RPL18: variants seen among roughly 807,000 people sequenced by gnomAD.
The protein encoded by RPL18 is large ribosomal subunit protein eL18.
A neutral mutation model predicts 25.0 loss-of-function variants in RPL18; 4 were observed. The ratio of observed to expected loss-of-function variants is 0.16; its 90% confidence interval spans 0.08 to 0.37. RPL18 has a LOEUF of 0.37. Among genes scored for constraint, RPL18 ranks in the 10% least tolerant of loss-of-function variants. The pLI, the probability that RPL18 is intolerant of heterozygous loss-of-function variation, is 1.00. For synonymous variants in RPL18, 129 were observed against 101.6 expected, an observed-to-expected ratio of 1.27 and a Z score of -1.62; for missense variants, 179 against 267.9, an observed-to-expected ratio of 0.67 and a Z score of 2.32.
chr19:48,617,600 C>G (rs1568425404), intron 2 of RPL18, 177 bp from the exon 3 acceptor site: 3 of 682,588 alleles, frequency 4.4e-6, no homozygotes, highest in Non-Finnish European at 7.6e-6. Flanking sequence ...CCTAGAAAAT[C>G]CTGGCTCCAC....
At chr19:48,617,634 G>A (rs1161340816) in intron 2 of RPL18, 157 bp downstream of exon 2, 5 of 695,388 alleles carry the variant, frequency 7.2e-6, no homozygotes, top group Admixed American at 2.8e-5. Flanking sequence ...ACAGCCTAGA[G>A]GCTGAAAATA....
At chr19:48,616,326 G>A (rs919028585) in intron 4 of RPL18, 124 bp from the exon 5 acceptor site, 131 of 1,213,288 alleles carry the variant, frequency 1.1e-4, no homozygotes, top group Admixed American at 3.0e-4. Context: ...TTTACTACCC[G>A]GAGCACCCTG....
At chr19:48,616,391 T>A in intron 4 of RPL18, 189 bp from the exon 5 acceptor site, 1 of 692,576 alleles carries the variant, frequency 1.4e-6, no homozygotes, top group East Asian at 2.7e-5. Flanking sequence ...ACATCCCTGG[T>A]GTTATGCTAG....
At chr19:48,617,464 C>A in intron 2 of RPL18, 41 bp from the exon 3 acceptor site, 1 of 1,448,608 alleles carries the variant, frequency 6.9e-7, no homozygotes, top group Non-Finnish European at 9.7e-7. Context: ...GGACAGCCTG[C>A]TCCCCCGCAG....
chr19:48,615,366 C>T lies in RPL18; in HGVS notation c.*6G>A, dbSNP rs769684666. 2.4e-5 allele frequency: 39 copies of T among 1,607,188 alleles called. No homozygotes were observed. The highest frequency in any genetic ancestry group is 3.2e-5 in the Non-Finnish European group (38 of 1,175,974). On this transcript the variant is annotated 3_prime_UTR_variant, in exon 7 of 7. Coordinates refer to ENST00000549920, the MANE Select transcript of RPL18 (RefSeq NM_000979.4). ...AATCTTTTTAATAAGAGAGTAGGAT[C>T]CAGGGTTAGTTTTTGTAGCCTCGGC...
At chr19:48,615,815 G>A in intron 6 of RPL18, 62 bp downstream of exon 6, 1 of 1,454,812 alleles carries the variant, frequency 6.9e-7, no homozygotes, top group Admixed American at 1.9e-5. Flanking sequence ...CCCAAGTGTG[G>A]CCAGGCCTGG....
rs746686079 is a variant in RPL18, at chr19:48,616,839, G to A, written c.199-15C>T. The stretch of plus-strand genomic sequence containing the variant: ...ATCTTCCGGATCTTAGGGTGGGGAG[G>A]ATGTACGTCGTAAGTTGTTCTGGTG... On this transcript the variant is annotated splice_polypyrimidine_tract_variant and intron_variant, in intron 3 of 6. Coordinates refer to ENST00000549920, the MANE Select transcript of RPL18 (RefSeq NM_000979.4). The A allele has an allele frequency of 8.2e-6, 13 of 1,589,542 alleles. No individual in the cohort carries two copies. Among genetic ancestry groups the A allele is most frequent in the South Asian group, 6.6e-5 (6 of 90,550 alleles).
At chr19:48,617,752 G>C (rs774066969) in intron 2 of RPL18, 39 bp downstream of exon 2, 1 of 1,511,024 alleles carries the variant, frequency 6.6e-7, no homozygotes, top group Non-Finnish European at 9.2e-7. Flanking sequence ...AGTCAGACCT[G>C]GGGTGACCCT....
intron 1 of RPL18, 39 bp downstream of exon 1, chr19:48,619,102 G>C (rs771053343): frequency 1.3e-6 from 2 of 1,593,466 alleles, no homozygotes; most frequent in Non-Finnish European, 1.7e-6. Context: ...GCGGATGGCA[G>C]CGGATTATCC....
In RPL18 at chr19:48,618,071, C is replaced by T. The variant is rs369919935; in HGVS notation, c.4-194G>A. 622 of 531,126 alleles carry T rather than the reference C, an allele frequency of 1.2e-3. 10 individuals are homozygous for T. In the South Asian group the frequency reaches 0.014, roughly 12 times the overall value. 32.9% of individuals were successfully genotyped at this position (531,126 alleles called of 1,614,324 possible). ...AAGGGGCTGTTTACAAAGCCTTCAG[C>T]CCATGGCACACAGAACCCTGAAACA... On this transcript the variant is annotated intron_variant, in intron 1 of 6. Transcript: ENST00000549920.
intron 2 of RPL18, 111 bp downstream of exon 2, chr19:48,617,680 C>G (rs964065591): frequency 2.4e-6 from 2 of 831,370 alleles, no homozygotes; most frequent in African/African-American, 1.7e-5. Flanking sequence ...ACCAGAGACC[C>G]GAGACTGCTC....
rs374008611 is a variant in RPL18, at chr19:48,617,447, G to A, written c.91-24C>T. On this transcript the variant is annotated intron_variant, in intron 2 of 6. Coordinates refer to ENST00000549920, the MANE Select transcript of RPL18 (RefSeq NM_000979.4). ...AACTGGAGGGACGGGAAGACAGTGA[G>A]AAGCTGGGACAGCCTGCTCCCCCGC... 11 of 1,565,062 alleles carry A rather than the reference G, an allele frequency of 7.0e-6. No individual in the cohort carries two copies. In the African/African-American group the frequency reaches 1.2e-4, roughly 17 times the overall value.
intron 3 of RPL18, 55 bp from the exon 4 acceptor site, chr19:48,616,879 C>T (rs558061649): frequency 5.9e-6 from 8 of 1,350,568 alleles, no homozygotes; most frequent in South Asian, 4.7e-5. Context: ...CATTCAGCCC[C>T]GCTTGAGGCA....
intron 4 of RPL18, 103 bp downstream of exon 4, chr19:48,616,623 G>A (rs1974179000): frequency 1.2e-6 from 1 of 826,732 alleles, no homozygotes; most frequent in African/African-American, 1.8e-5. Context: ...CTCACCAGCG[G>A]TGGCAAGACT....
intron 4 of RPL18, 90 bp downstream of exon 4, chr19:48,616,636 G>A (rs1381278625): frequency 2.1e-6 from 2 of 967,756 alleles, no homozygotes; most frequent in South Asian, 2.6e-5. Context: ...GCAAGACTGA[G>A]GATGGACCAG....
chr19:48,616,137 G>A lies in RPL18; in HGVS notation c.363C>T (p.Leu121=). The A allele has an allele frequency of 6.2e-7, 1 of 1,614,168 alleles. No individual in the cohort carries two copies. The highest frequency in any genetic ancestry group is 8.5e-7 in the Non-Finnish European group (1 of 1,180,010). ...AGTCCAGGGCCAGCTGGTCGAAAGT[G>A]AGGATCTTGCCCCCTGCCCTGAGGA... ...SRILRAGGKI[L]TFDQLALDSP... The change falls in exon 5 of 7, where the codon CTC becomes CTT. Residue 121 remains leucine, a synonymous_variant. Transcript: ENST00000549920.
chr19:48,616,856 G>T (rs762134294), intron 3 of RPL18, 32 bp from the exon 4 acceptor site: 4 of 1,539,414 alleles, frequency 2.6e-6, no homozygotes, highest in Middle Eastern at 2.0e-4. Flanking sequence ...GTCGTAAGTT[G>T]TTCTGGTGTT....
rs779725214 is a variant in RPL18 at position 48,616,783 on chromosome 19, G to A, written c.240C>T (p.Ala80=). The part of the protein sequence containing the change: ...MKLPGRENKT[A]VVVGTITDDV... ...CATCAGTTATGGTCCCCACAACCAC[G>A]GCCGTCTTGTTTTCCCGGCCAGGAA... The change falls in exon 4 of 7, where the codon GCC becomes GCT. Residue 80 remains alanine, a synonymous_variant. Coordinates refer to ENST00000549920, the MANE Select transcript of RPL18 (RefSeq NM_000979.4). 5.1e-5 allele frequency: 82 copies of A among 1,613,932 alleles called. No individual in the cohort carries two copies. Among genetic ancestry groups the A allele is most frequent in the Admixed American group, 3.2e-4 (19 of 60,006 alleles).
At chr19:48,615,486 AAGG>A (rs757266569) in intron 6 of RPL18, 39 bp from the exon 7 acceptor site, 3 of 1,492,230 alleles carry the variant, frequency 2.0e-6, no homozygotes, top group Non-Finnish European at 2.8e-6. Context: ...GGCCCTCTTA[AAGG>A]AGGCCATTGT....
Sources: gnomAD v4.1 joint callset for allele counts on GRCh38, gnomAD v4.1.1 for gene constraint, MANE v1.5 for transcripts, NCBI Gene and HGNC (gene_info 2026-07-23, HGNC 2026-07-21) for gene names.